GSAP: variants seen among roughly 807,000 people sequenced by gnomAD.
GSAP encodes gamma-secretase-activating protein.
A neutral mutation model predicts 131.7 loss-of-function variants in GSAP; 118 were observed. The observed-to-expected ratio is 0.90, with a 90% CI of 0.77 to 1.04. The LOEUF (loss-of-function observed/expected upper bound fraction) is 1.04, where lower values mean the gene tolerates loss of function less well. GSAP is among the 50% of genes least tolerant of loss of function. GSAP has a pLI of 0.00. For synonymous variants in GSAP, 381 were observed against 363.4 expected, an observed-to-expected ratio of 1.05 and a Z score of -0.55; for missense variants, 1,019 against 1,013.2, an observed-to-expected ratio of 1.01 and a Z score of -0.08.
chr7:77,393,834 C>T (rs112774515), intron 5 of GSAP, among the ~76,000 whole-genome samples: 99 of 151,904 alleles, frequency 6.5e-4, no homozygotes, highest in African/African-American at 2.1e-3. Context: ...CCACCACACC[C>T]GGCTAATTTT....
At chr7:77,327,150 C>G (rs2150660950) in intron 22 of GSAP, 1 of 152,322 alleles carries the variant, frequency 6.6e-6, no homozygotes, top group South Asian at 2.1e-4. Flanking sequence ...CAGTGACATT[C>G]TTTATGGGGA....
At chr7:77,357,007 C>T (rs1198965496) in intron 14 of GSAP, among the ~76,000 whole-genome samples, 8 of 152,158 alleles carry the variant, frequency 5.3e-5, no homozygotes, top group Non-Finnish European at 8.8e-5. Flanking sequence ...CCACAAACAA[C>T]AATACAGTGG....
intron 1 of GSAP, among the ~76,000 whole-genome samples, chr7:77,407,457 T>C (rs1802489607): frequency 6.6e-6 from 1 of 152,250 alleles, no homozygotes; most frequent in South Asian, 2.1e-4. Flanking sequence ...ATGTAATTAC[T>C]AACATATTGG....
intron 12 of GSAP, among the ~76,000 whole-genome samples, chr7:77,369,225 G>C (rs78560378): frequency 0.071 from 10,757 of 152,266 alleles, 512 homozygotes; most frequent in Non-Finnish European, 0.099. Context: ...GAACACACAA[G>C]AGCACTACAG....
chr7:77,385,065 G>A (rs528394195), intron 6 of GSAP, among the ~76,000 whole-genome samples: 3 of 145,022 alleles, frequency 2.1e-5, no homozygotes, highest in Middle Eastern at 3.3e-3. Context: ...ATGGAGTTTC[G>A]CTCTGTTGCC....
chr7:77,339,697 T>TGGAGGACAC (rs1790601521), intron 19 of GSAP, among the ~76,000 whole-genome samples: 1 of 114,424 alleles, frequency 8.7e-6, no homozygotes, highest in Admixed American at 9.2e-5. Flanking sequence ...ATGGAGGACA[T>TGGAGGACAC]AAAATACTCC....
chr7:77,409,466 C>G (rs768194686), intron 1 of GSAP, among the ~76,000 whole-genome samples: 2 of 152,028 alleles, frequency 1.3e-5, no homozygotes, highest in African/African-American at 4.8e-5. Flanking sequence ...GAAAAGGTGG[C>G]GTAGACTGAA....
intron 2 of GSAP, among the ~76,000 whole-genome samples, 174 bp downstream of exon 2, chr7:77,405,855 C>T (rs930180757): frequency 2.6e-5 from 4 of 152,104 alleles, no homozygotes; most frequent in African/African-American, 9.7e-5. Context: ...TACTAAATTT[C>T]AATCACTTTA....
Position 77,355,327 on chromosome 7 carries a change from G to A in GSAP, c.1224C>T (p.Leu408=), listed in dbSNP as rs768791363. Residue 408 remains leucine (L), a synonymous_variant, in exon 16 of 31, where the codon CTC becomes CTT. Coordinates refer to ENST00000257626, the MANE Select transcript of GSAP (RefSeq NM_017439.4). ...GAAGCTGTAATAAAGACGACTGGCT[G>A]AGCAGTGCTCTATAGAGCTTTCCAG... The part of the protein sequence containing the change: ...CCSGKLYRAL[L]SQSSLLQLLQ... 6.2e-6 allele frequency: 10 copies of A among 1,613,004 alleles called. No individual in the cohort carries two copies. Among genetic ancestry groups the A allele is most frequent in the Non-Finnish European group, 6.8e-6 (8 of 1,179,186 alleles).
intron 1 of GSAP, among the ~76,000 whole-genome samples, chr7:77,406,451 G>A (rs889029727): frequency 6.6e-6 from 1 of 152,076 alleles, no homozygotes; most frequent in Non-Finnish European, 1.5e-5. Context: ...ATTAGTTTTT[G>A]CTTTATGCAT....
At chr7:77,399,425 A>AAAGAGAAC (rs1800953415) in intron 3 of GSAP, among the ~76,000 whole-genome samples, 1 of 152,118 alleles carries the variant, frequency 6.6e-6, no homozygotes, top group Non-Finnish European at 1.5e-5. Context: ...TTCACTTATC[A>AAAGAGAAC]CCAAACCCAG....
chr7:77,412,257 G>A (rs760402373), intron 1 of GSAP, among the ~76,000 whole-genome samples: 3 of 152,166 alleles, frequency 2.0e-5, no homozygotes, highest in Non-Finnish European at 4.4e-5. Context: ...TGTGACAGAA[G>A]TGGTTTTGTT....
intron 24 of GSAP, 64 bp downstream of exon 24, chr7:77,323,583 T>G (rs750764868): frequency 2.6e-6 from 2 of 760,852 alleles, no homozygotes; most frequent in African/African-American, 3.6e-5. Flanking sequence ...CTGCACCACA[T>G]TTTCAGAACT....
At chr7:77,341,181 T>G (rs77865786) in intron 19 of GSAP, among the ~76,000 whole-genome samples, 3,952 of 152,274 alleles carry the variant, frequency 0.026, 185 homozygotes, top group African/African-American at 0.09. Context: ...GGCATTCTTC[T>G]ACACATTGGT....
chr7:77,411,152 C>T (rs796302163), intron 1 of GSAP, among the ~76,000 whole-genome samples: 3 of 149,370 alleles, frequency 2.0e-5, no homozygotes, highest in African/African-American at 7.4e-5. Flanking sequence ...AACCCTCTGG[C>T]CCCCAAATCA....
intron 12 of GSAP, 39 bp from the exon 13 acceptor site, chr7:77,362,699 CTA>C: frequency 8.6e-7 from 1 of 1,158,660 alleles, no homozygotes; most frequent in Non-Finnish European, 1.3e-6. Context: ...TTAACAGAAT[CTA>C]TGTCATAAAT....
At chr7:77,338,024 G>A in intron 19 of GSAP, among the ~76,000 whole-genome samples, 1 of 152,050 alleles carries the variant, frequency 6.6e-6, no homozygotes. Flanking sequence ...AATTAGCCAG[G>A]CATGGTGGCA....
intron 8 of GSAP, among the ~76,000 whole-genome samples, chr7:77,377,962 G>T (rs957997484): frequency 6.6e-6 from 1 of 152,136 alleles, no homozygotes; most frequent in Non-Finnish European, 1.5e-5. Flanking sequence ...TTCAAGACCT[G>T]ACTTACACAT....
intron 12 of GSAP, among the ~76,000 whole-genome samples, chr7:77,370,076 C>T (rs1304986332): frequency 1.3e-5 from 2 of 151,978 alleles, no homozygotes; most frequent in African/African-American, 2.4e-5. Context: ...GTAATGGTCA[C>T]GAGAAATTCC....
Sources: allele counts gnomAD v4.1 joint callset (sites outside exome capture counted in the v4.1 genomes callset), GRCh38; gene constraint gnomAD v4.1.1; transcripts MANE v1.5; gene names NCBI Gene and HGNC (gene_info 2026-07-23, HGNC 2026-07-21).